Variants in UBXN8 observed in about 807,000 individuals in gnomAD.
UBXN8 encodes UBX domain-containing protein 8.
Under a neutral mutation model 32.1 loss-of-function variants are expected in UBXN8, and 27 were observed. That is an observed-to-expected ratio of 0.84 (90% confidence interval 0.62 to 1.16). UBXN8 has a LOEUF of 1.16. Among genes scored for constraint, UBXN8 ranks in the 50% most tolerant of loss-of-function variants. The pLI is 0.00. For synonymous variants in UBXN8, 109 were observed against 111.8 expected (o/e 0.98, Z 0.16); for missense variants, 306 against 311.4 (o/e 0.98, Z 0.13).
chr8:30,748,416 T>C (rs980469095), intron 1 of UBXN8, among the ~76,000 whole-genome samples: 2 of 151,590 alleles, frequency 1.3e-5, no homozygotes, highest in African/African-American at 2.4e-5. Flanking sequence ...CAGTGAGCTG[T>C]TATCAACTGC....
chr8:30,743,856 T>C (rs750385890), upstream of UBXN8, among the ~76,000 whole-genome samples: 4 of 152,206 alleles, frequency 2.6e-5, no homozygotes, highest in Non-Finnish European at 5.9e-5. Context: ...TCGGCTTCAT[T>C]TCCCTCTGGA....
At chr8:30,756,606 G>A (rs1178599751) in intron 4 of UBXN8, among the ~76,000 whole-genome samples, 159 bp from the exon 5 acceptor site, 2 of 152,072 alleles carry the variant, frequency 1.3e-5, no homozygotes, top group Non-Finnish European at 2.9e-5. Flanking sequence ...TCCTGTCCAC[G>A]GAGATAATGC....
At chr8:30,760,469 G>C (rs1392949447) in intron 5 of UBXN8, among the ~76,000 whole-genome samples, 1 of 118,106 alleles carries the variant, frequency 8.5e-6, no homozygotes, top group African/African-American at 3.6e-5. Context: ...AAAGTGACAG[G>C]GTCTTGCTTT....
intron 1 of UBXN8, among the ~76,000 whole-genome samples, chr8:30,748,431 C>T (rs927670671): frequency 6.7e-5 from 10 of 149,986 alleles, no homozygotes; most frequent in Non-Finnish European, 1.2e-4. Flanking sequence ...AACTGCTGCA[C>T]TCCAGCCTGG....
upstream of UBXN8, among the ~76,000 whole-genome samples, chr8:30,739,919 T>G (rs1805160362): frequency 6.6e-6 from 1 of 152,206 alleles, no homozygotes; most frequent in Admixed American, 6.5e-5. Flanking sequence ...CTTTTTGTTT[T>G]GAGACATGGT....
chr8:30,745,494 G>C (rs908223522), intron 1 of UBXN8, among the ~76,000 whole-genome samples: 5 of 152,144 alleles, frequency 3.3e-5, no homozygotes, highest in African/African-American at 1.2e-4. Flanking sequence ...ACTTGGCTTT[G>C]TGTACTCCCT....
chr8:30,735,451 G>A (rs73247215), intron 1 of UBXN8, among the ~76,000 whole-genome samples: 30,115 of 152,038 alleles, frequency 0.2, 3,143 homozygotes, highest in South Asian at 0.3. Context: ...CACCCACTCA[G>A]GAGGCTGAGA....
At chr8:30,743,706 C>T (rs1805270446), upstream of UBXN8, among the ~76,000 whole-genome samples, 1 of 152,176 alleles carries the variant, frequency 6.6e-6, no homozygotes, top group Non-Finnish European at 1.5e-5. Context: ...GTTGTCTTTC[C>T]GCAGGAACCA....
At chr8:30,736,894 A>G (rs1305992642) in intron 1 of UBXN8, among the ~76,000 whole-genome samples, 1 of 152,212 alleles carries the variant, frequency 6.6e-6, no homozygotes, top group Non-Finnish European at 1.5e-5. Flanking sequence ...CACACTGTCT[A>G]GTTCTACATA....
chr8:30,745,600 T>G (rs1395809976), intron 1 of UBXN8, among the ~76,000 whole-genome samples: 1 of 152,224 alleles, frequency 6.6e-6, no homozygotes, highest in Admixed American at 6.5e-5. Flanking sequence ...TAAAAAAATG[T>G]ACAAAGACTG....
chr8:30,758,908 T>TTTGAGACGGAGTCTCAC (rs1805749246), intron 5 of UBXN8, among the ~76,000 whole-genome samples: 1 of 146,602 alleles, frequency 6.8e-6, no homozygotes, highest in Non-Finnish European at 1.5e-5. Flanking sequence ...TTTTTTTTTT[T>TTTGAGACGGAGTCTCAC]TTTGAGACGG....
chr8:30,752,959 A>G (rs1805553021), intron 2 of UBXN8, 76 bp from the exon 3 acceptor site: 2 of 1,424,496 alleles, frequency 1.4e-6, no homozygotes, highest in Non-Finnish European at 1.8e-6. Flanking sequence ...CTTTCTTTTG[A>G]TACATTATTT....
At chr8:30,738,512 A>T (rs1310220377) in intron 1 of UBXN8, among the ~76,000 whole-genome samples, 1 of 151,892 alleles carries the variant, frequency 6.6e-6, no homozygotes, top group Non-Finnish European at 1.5e-5. Flanking sequence ...TACAAAAAAA[A>T]TTAGCCGGCA....
upstream of UBXN8, among the ~76,000 whole-genome samples, chr8:30,743,261 T>C (rs1805256590): frequency 6.6e-6 from 1 of 151,284 alleles, no homozygotes; most frequent in South Asian, 2.1e-4. Flanking sequence ...GTTCAAGCAA[T>C]TCTCCTGCCT....
intron 5 of UBXN8, among the ~76,000 whole-genome samples, chr8:30,758,903 T>G (rs867559430): frequency 0.016 from 2,310 of 143,270 alleles, 169 homozygotes; most frequent in African/African-American, 0.058. Context: ...TGTTTTTTTT[T>G]TTTTTTTTGA....
chr8:30,751,390 T>C lies in UBXN8; in HGVS notation c.89-6T>C. ...AATTTTAATTTTAGTTTTTTTCCTTTATCAGGAATCAAGGATTTTCTTTTG... is the reference window on the plus strand; with the variant it reads ...AATTTTAATTTTAGTTTTTTTCCTTCATCAGGAATCAAGGATTTTCTTTTG... On this transcript the variant is annotated splice_region_variant and splice_polypyrimidine_tract_variant and intron_variant, in intron 1 of 7. Transcript: ENST00000265616. 6.4e-7 allele frequency: 1 copy of C among 1,565,638 alleles called. No individual in the cohort carries two copies.
chr8:30,757,050 G>A (rs775460600), intron 5 of UBXN8, among the ~76,000 whole-genome samples, 163 bp downstream of exon 5: 16 of 152,032 alleles, frequency 1.1e-4, no homozygotes, highest in Admixed American at 4.6e-4. Flanking sequence ...GCCGGGCATG[G>A]TGGCTGACAT....
In UBXN8 at chr8:30,766,450, C is replaced by G; in HGVS notation, c.*56C>G. 2.1e-6 allele frequency: 3 copies of G among 1,462,012 alleles called. No homozygotes were observed. Among genetic ancestry groups the G allele is most frequent in the Non-Finnish European group, 2.7e-6 (3 of 1,098,214 alleles). The allele number at this position is 1,462,012 out of a possible 1,614,324, so 90.6% of individuals were successfully genotyped here. A position where few individuals can be genotyped will look rare whatever the true frequency, so the allele number is the denominator to read the frequency against. ...AGTCAGTTATGCTATGACCTTCTGG[C>G]ACAATAAAGGCTTCACTTTCAAATC... On this transcript the variant is annotated 3_prime_UTR_variant, in exon 8 of 8. Coordinates refer to ENST00000265616, the MANE Select transcript of UBXN8 (RefSeq NM_005671.4).
chr8:30,756,769 A>T lies in UBXN8; in HGVS notation c.410A>T (p.Asp137Val). ...KLSSGHKLGG[D>V]EGTSQTSFET... ...TTGTCTGTTGTGTTTGACCAGGGTG[A>T]TGAAGGTACAAGTCAGACATCTTTT... Residue 137 changes from aspartate to valine, a missense_variant, in exon 5 of 8, where the codon GAT (aspartate) becomes GTT (valine). By Grantham distance (152) the Asp-to-Val change is radical. Transcript: ENST00000265616. The T allele has an allele frequency of 1.2e-6, 2 of 1,614,064 alleles. No individual in the cohort carries two copies. The highest frequency in any genetic ancestry group is 1.7e-6 in the Non-Finnish European group (2 of 1,179,896).
Sources: gnomAD v4.1 joint callset for allele counts (sites outside exome capture counted in the v4.1 genomes callset) on GRCh38, gnomAD v4.1.1 for gene constraint, MANE v1.5 for transcripts, NCBI Gene and HGNC (gene_info 2026-07-23, HGNC 2026-07-21) for gene names.